Variants in NCOA1 observed in about 807,000 individuals in gnomAD.
NCOA1 encodes nuclear receptor coactivator 1.
NCOA1 carries 35 observed loss-of-function variants against 150.9 expected under a neutral mutation model. That is an observed-to-expected ratio of 0.23 (90% CI 0.18 to 0.31). The LOEUF (loss-of-function observed/expected upper bound fraction) is 0.31, where lower values mean the gene tolerates loss of function less well. Ranked by LOEUF, NCOA1 falls within the 10% of genes least tolerant of loss-of-function variation. The pLI, the probability that NCOA1 is intolerant of heterozygous loss-of-function variation, is 1.00. For missense variants in NCOA1, 1,491 were observed against 1,749.3 expected, an observed-to-expected ratio of 0.85 and a Z score of 2.63; for synonymous variants, 590 against 630.0, an observed-to-expected ratio of 0.94 and a Z score of 0.95.
At chr2:24,551,187 G>A (rs1399615960) in intron 1 of NCOA1, among the ~76,000 whole-genome samples, 4 of 152,014 alleles carry the variant, frequency 2.6e-5, no homozygotes, top group Admixed American at 2.6e-4. Context: ...GGCAAGATTG[G>A]TTCTGTTTCA....
chr2:24,656,538 A>G (rs1053693107), intron 4 of NCOA1, among the ~76,000 whole-genome samples: 7 of 152,208 alleles, frequency 4.6e-5, no homozygotes, highest in Non-Finnish European at 8.8e-5. Context: ...ATAGTTACCT[A>G]CAATGCTATA....
chr2:24,532,346 A>T (rs1405075493), intron 1 of NCOA1, among the ~76,000 whole-genome samples: 1 of 151,938 alleles, frequency 6.6e-6, no homozygotes, highest in Non-Finnish European at 1.5e-5. Context: ...TAGATTCTGG[A>T]TATTAGCCCT....
chr2:24,555,693 T>C (rs1313163257), intron 1 of NCOA1, among the ~76,000 whole-genome samples: 6 of 152,254 alleles, frequency 3.9e-5, no homozygotes, highest in Non-Finnish European at 7.3e-5. Context: ...TGATTCTTTG[T>C]AATTACATAG....
rs1193268496 is a variant in NCOA1, at chr2:24,707,615, A to T, written c.2145A>T (p.Ala715=). The T allele has an allele frequency of 2.5e-6, 4 of 1,614,100 alleles. No homozygotes were observed. The highest frequency in any genetic ancestry group is 1.6e-4 in the Middle Eastern group (1 of 6,084). Residue 715 remains alanine (A), a synonymous_variant, in exon 13 of 23, where the codon GCA becomes GCT. Coordinates refer to ENST00000348332, the MANE Select transcript of NCOA1 (RefSeq NM_003743.5). The part of the protein sequence containing the change: ...LSVEPDKKDS[A]STSVSVTGQV... The stretch of plus-strand genomic sequence containing the variant: ...TCGAGCCTGATAAAAAGGACAGTGC[A>T]TCTACTTCTGTGTCAGTGACTGGAC...
chr2:24,721,924 A>G lies in NCOA1; in HGVS notation c.2600-4665A>G, dbSNP rs56033904. Among the ~76,000 whole-genome samples the G allele has an allele frequency of 1.6e-3, 251 of 152,286 alleles. 1 individual carries two copies. Among genetic ancestry groups the G allele is most frequent in the African/African-American group, 5.8e-3 (241 of 41,558 alleles). ...TTCTTCGTTGTTTTAGTCTTCTGCCATGAAAATTTCTTCTGCCTTTCCTTC... is the reference window on the plus strand; with the variant it reads ...TTCTTCGTTGTTTTAGTCTTCTGCCGTGAAAATTTCTTCTGCCTTTCCTTC... On this transcript the variant is annotated intron_variant, in intron 14 of 22. Transcript: ENST00000348332.
intron 1 of NCOA1, among the ~76,000 whole-genome samples, chr2:24,529,529 G>A (rs1315478137): frequency 6.6e-6 from 1 of 152,034 alleles, no homozygotes; most frequent in Non-Finnish European, 1.5e-5. Context: ...TTGATATAAG[G>A]TATTGCTGTG....
intron 3 of NCOA1, among the ~76,000 whole-genome samples, chr2:24,607,148 G>A (rs369016911): frequency 6.6e-6 from 1 of 151,176 alleles, no homozygotes; most frequent in African/African-American, 2.4e-5. Flanking sequence ...CCTGAATTTT[G>A]GAGAGTGAAT....
At chr2:24,600,672 A>C (rs989763544) in intron 3 of NCOA1, among the ~76,000 whole-genome samples, 1 of 152,172 alleles carries the variant, frequency 6.6e-6, no homozygotes, top group Non-Finnish European at 1.5e-5. Context: ...ACTGTGCTTG[A>C]GCCTACATCC....
chr2:24,641,637 A>AG (rs1670221396), intron 3 of NCOA1, among the ~76,000 whole-genome samples: 1 of 152,260 alleles, frequency 6.6e-6, no homozygotes, highest in East Asian at 1.9e-4. Flanking sequence ...GTGGGTTGAT[A>AG]GGGCTCCCCA....
In NCOA1 at chr2:24,702,713, G is replaced by A. The variant is rs138622129; in HGVS notation, c.950-2373G>A. On this transcript the variant is annotated intron_variant, in intron 11 of 22. Transcript: ENST00000348332. ...CTTTCCTCACTAAGTGTTCTAAGGA[G>A]TTTAGAAATGGACACAGGAATCAGA... 1.2e-3 allele frequency among the ~76,000 whole-genome samples: 178 copies of A among 152,294 alleles called. 2 individuals are homozygous for A. The highest frequency in any genetic ancestry group is 7.2e-3 in the Admixed American group (110 of 15,292).
intron 3 of NCOA1, among the ~76,000 whole-genome samples, chr2:24,632,319 A>C (rs1467921655): frequency 6.6e-6 from 1 of 152,198 alleles, no homozygotes; most frequent in East Asian, 1.9e-4. Context: ...TAGTAGTAGT[A>C]TGTAACTCTG....
intron 1 of NCOA1, among the ~76,000 whole-genome samples, chr2:24,535,203 A>G (rs1665073918): frequency 6.6e-6 from 1 of 152,036 alleles, no homozygotes; most frequent in African/African-American, 2.4e-5. Flanking sequence ...CCATTATGTA[A>G]TGGCCTTCTT....
At chr2:24,736,121 T>C (rs905296499) in intron 17 of NCOA1, among the ~76,000 whole-genome samples, 1 of 150,700 alleles carries the variant, frequency 6.6e-6, no homozygotes, top group East Asian at 2.0e-4. Flanking sequence ...CTTGGGAGGC[T>C]GAGACAAGAG....
chr2:24,608,040 C>G (rs947054423), intron 3 of NCOA1, among the ~76,000 whole-genome samples: 13 of 151,900 alleles, frequency 8.6e-5, no homozygotes, highest in African/African-American at 2.9e-4. Context: ...GTCACCAAAT[C>G]TTGTACTTTT....
intron 3 of NCOA1, among the ~76,000 whole-genome samples, chr2:24,596,574 A>AT (rs1275732771): frequency 1.3e-5 from 2 of 152,118 alleles, no homozygotes; most frequent in African/African-American, 4.8e-5. Context: ...TAAGTTAGTG[A>AT]TTTTTTAAAT....
intron 2 of NCOA1, among the ~76,000 whole-genome samples, chr2:24,570,562 TA>T (rs34802270): frequency 0.81 from 123,822 of 152,160 alleles, 52,049 homozygotes; most frequent in East Asian, 0.99. Flanking sequence ...TCAGATAGAA[TA>T]AAAACATCAC....
chr2:24,576,170 G>GTTTTTTT (rs869093026), intron 2 of NCOA1, among the ~76,000 whole-genome samples: 50 of 46,254 alleles, frequency 1.1e-3, no homozygotes, highest in South Asian at 2.6e-3. Flanking sequence ...TTTGTTTTTT[G>GTTTTTTT]TTTTTTTTTT....
At chr2:24,663,743 A>G (rs984546453) in intron 5 of NCOA1, among the ~76,000 whole-genome samples, 8 of 152,070 alleles carry the variant, frequency 5.3e-5, no homozygotes, top group African/African-American at 1.9e-4. Context: ...ACTTCATTTC[A>G]TGGTGATTTT....
chr2:24,764,445 T>G (rs989043736), intron 22 of NCOA1, among the ~76,000 whole-genome samples: 1 of 152,142 alleles, frequency 6.6e-6, no homozygotes, highest in Non-Finnish European at 1.5e-5. Flanking sequence ...TTGCAAGAGA[T>G]AGAGCTGAGC....
Sources: gnomAD v4.1 joint callset for allele counts (sites outside exome capture counted in the v4.1 genomes callset) on GRCh38, gnomAD v4.1.1 for gene constraint, MANE v1.5 for transcripts, NCBI Gene and HGNC (gene_info 2026-07-23, HGNC 2026-07-21) for gene names.